CSMD1: variants seen among roughly 807,000 people sequenced by gnomAD.
The protein encoded by CSMD1 is CUB and Sushi multiple domains 1.
CSMD1 carries 213 observed loss-of-function variants against 417.5 expected under a neutral mutation model. The observed-to-expected ratio is 0.51, with a 90% CI of 0.46 to 0.57. CSMD1 has a LOEUF of 0.57. Among genes scored for constraint, CSMD1 ranks in the 20% least tolerant of loss-of-function variants. The probability of loss-of-function intolerance (pLI) is 0.00; values close to 1 mark genes in which losing one functional copy is unlikely to be tolerated. For synonymous variants in CSMD1, 2,862 were observed against 1,736.8 expected (o/e 1.65, Z -16.11); for missense variants, 6,923 against 4,529.7 (o/e 1.53, Z -15.17).
At position 3,151,478 on chromosome 8, in the gene CSMD1, C is replaced by T. The variant is rs746021759; in HGVS notation, c.5950G>A (p.Val1984Met). The change falls in exon 40 of 70, where the codon GTG (valine) becomes ATG (methionine). Residue 1984 changes from valine to methionine, a missense_variant. Transcript: ENST00000635120. ...CCTGGGAAGCCGGGGCTCAGGATCACACCACCCAAGGTGCTCAGCGTCCCT... is the reference window on the plus strand; with the variant it reads ...CCTGGGAAGCCGGGGCTCAGGATCATACCACCCAAGGTGCTCAGCGTCCCT... ...CGGTLSTLGGVILSPGFPGSY... is the reference protein window; with the variant it reads ...CGGTLSTLGGMILSPGFPGSY... 4.3e-6 allele frequency: 7 copies of T among 1,613,624 alleles called. No individual in the cohort carries two copies. Among genetic ancestry groups the T allele is most frequent in the Non-Finnish European group, 5.1e-6 (6 of 1,179,808 alleles).
intron 3 of CSMD1, among the ~76,000 whole-genome samples, chr8:4,049,662 A>T (rs1321487948): frequency 6.6e-6 from 1 of 152,164 alleles, no homozygotes; most frequent in African/African-American, 2.4e-5. Flanking sequence ...CTAATCGACA[A>T]GCATAGGTAT....
intron 50 of CSMD1, among the ~76,000 whole-genome samples, chr8:3,030,188 A>G (rs614021): frequency 0.042 from 6,426 of 152,114 alleles, 464 homozygotes; most frequent in African/African-American, 0.15. Flanking sequence ...GTAGTATACT[A>G]TTACCAGGGT....
chr8:4,441,213 G>A (rs77312438), intron 2 of CSMD1, among the ~76,000 whole-genome samples: 17 of 133,626 alleles, frequency 1.3e-4, no homozygotes, highest in Admixed American at 6.7e-4. Flanking sequence ...ATCCTCGCAC[G>A]TCAGCCTCTT....
intron 3 of CSMD1, among the ~76,000 whole-genome samples, chr8:4,164,723 A>G (rs1012148845): frequency 1.2e-4 from 18 of 152,108 alleles, no homozygotes; most frequent in Non-Finnish European, 2.9e-5. Flanking sequence ...TTCAAGTACT[A>G]AAAGTATTTA....
intron 2 of CSMD1, among the ~76,000 whole-genome samples, chr8:4,470,597 C>G (rs1466850735): frequency 6.6e-6 from 1 of 152,328 alleles, no homozygotes; most frequent in East Asian, 1.9e-4. Flanking sequence ...CTGCCAAACA[C>G]TGGTCTAAGA....
intron 6 of CSMD1, among the ~76,000 whole-genome samples, chr8:3,720,620 T>TTCTCTCAC (rs72331833): frequency 7.0e-6 from 1 of 143,322 alleles, no homozygotes; most frequent in Non-Finnish European, 1.5e-5. Context: ...TCTTTATTCT[T>TTCTCTCAC]ACACACACAC....
rs371719892 is a variant in CSMD1 at position 4,813,058 on chromosome 8, C to T, written c.86-175500G>A. On this transcript the variant is annotated intron_variant, in intron 1 of 69. Coordinates refer to ENST00000635120, the MANE Select transcript of CSMD1 (RefSeq NM_033225.6). The stretch of plus-strand genomic sequence containing the variant: ...CAAAACACAAACCCATTTTTAAGAT[C>T]CCTCTGGCAGAGGTAGATATTTATG... 2.6e-5 allele frequency among the ~76,000 whole-genome samples: 4 copies of T among 152,274 alleles called. No individual in the cohort carries two copies. The East Asian group carries it at 5.8e-4, about 22-fold the overall frequency.
chr8:4,171,447 T>A (rs1463694591), intron 3 of CSMD1, among the ~76,000 whole-genome samples: 2 of 151,932 alleles, frequency 1.3e-5, no homozygotes, highest in Non-Finnish European at 2.9e-5. Flanking sequence ...TATGCATGAC[T>A]TATTGGCTCT....
At chr8:4,501,785 T>C (rs1034415729) in intron 2 of CSMD1, among the ~76,000 whole-genome samples, 3 of 152,262 alleles carry the variant, frequency 2.0e-5, no homozygotes, top group South Asian at 2.1e-4. Flanking sequence ...TTGTCGTTAT[T>C]TGACTTTATA....
At chr8:4,512,791 CAA>C (rs201544022) in intron 2 of CSMD1, among the ~76,000 whole-genome samples, 13,720 of 127,314 alleles carry the variant, frequency 0.11, 772 homozygotes, top group South Asian at 0.19. Context: ...AATAACTAAA[CAA>C]AGAGATAGCC....
intron 3 of CSMD1, among the ~76,000 whole-genome samples, chr8:4,258,599 C>A (rs538015387): frequency 1.7e-4 from 5 of 30,210 alleles, no homozygotes; most frequent in African/African-American, 5.7e-4. Context: ...TGGAGGGAAC[C>A]CTTGTTCTCA....
chr8:4,147,203 C>G (rs1367277388), intron 3 of CSMD1, among the ~76,000 whole-genome samples: 3 of 152,094 alleles, frequency 2.0e-5, no homozygotes, highest in African/African-American at 7.2e-5. Flanking sequence ...CCTCACACAA[C>G]TACTGAAAAA....
intron 5 of CSMD1, among the ~76,000 whole-genome samples, chr8:3,914,741 G>C (rs957084988): frequency 6.0e-5 from 9 of 151,226 alleles, no homozygotes; most frequent in African/African-American, 1.5e-4. Context: ...CAGATCCTTT[G>C]ACATGTATCT....
At chr8:3,763,991 C>G (rs74874435) in intron 5 of CSMD1, among the ~76,000 whole-genome samples, 3,140 of 152,276 alleles carry the variant, frequency 0.021, 59 homozygotes, top group Non-Finnish European at 0.029. Flanking sequence ...CCACATCTGT[C>G]TGTTTGTCAT....
At chr8:4,499,351 C>A (rs910076642) in intron 2 of CSMD1, among the ~76,000 whole-genome samples, 14 of 152,260 alleles carry the variant, frequency 9.2e-5, no homozygotes, top group Non-Finnish European at 1.6e-4. Context: ...AGTGTGAGCT[C>A]TTCCTGGTAC....
chr8:3,642,314 G>C (rs1268174220), intron 7 of CSMD1, among the ~76,000 whole-genome samples: 5 of 152,082 alleles, frequency 3.3e-5, no homozygotes, highest in African/African-American at 1.2e-4. Context: ...AGAGTGAAAA[G>C]AACTTGCTCT....
chr8:2,953,958 A>C (rs533917590), intron 65 of CSMD1, among the ~76,000 whole-genome samples: 1 of 152,264 alleles, frequency 6.6e-6, no homozygotes, highest in Non-Finnish European at 1.5e-5. Context: ...CTGCCTACCA[A>C]ATGCCGAAGG....
chr8:3,624,396 T>G (rs1381596501), intron 7 of CSMD1, among the ~76,000 whole-genome samples: 1 of 152,196 alleles, frequency 6.6e-6, no homozygotes, highest in Non-Finnish European at 1.5e-5. Flanking sequence ...AAGTTAAACG[T>G]TGATTTATAT....
At chr8:4,169,532 G>T (rs1160282952) in intron 3 of CSMD1, among the ~76,000 whole-genome samples, 1 of 152,020 alleles carries the variant, frequency 6.6e-6, no homozygotes, top group African/African-American at 2.4e-5. Context: ...CAGATGAAAT[G>T]GCAGCCTCCA....
Sources: gnomAD v4.1 joint callset for allele counts (sites outside exome capture counted in the v4.1 genomes callset) on GRCh38, gnomAD v4.1.1 for gene constraint, MANE v1.5 for transcripts, NCBI Gene and HGNC (gene_info 2026-07-23, HGNC 2026-07-21) for gene names.